The following ABCB4 variants were observed in gnomAD, a reference collection of about 807,000 sequenced individuals.
ABCB4 encodes the protein phosphatidylcholine translocator ABCB4.
A neutral mutation model predicts 145.7 loss-of-function variants in ABCB4; 76 were observed. The observed-to-expected ratio is 0.52, with a 90% CI of 0.43 to 0.63. ABCB4 has a LOEUF of 0.63. Among genes scored for constraint, ABCB4 ranks in the 30% least tolerant of loss-of-function variants. ABCB4 has a pLI of 0.00. For synonymous variants in ABCB4, 517 were observed against 566.8 expected (o/e 0.91, Z 1.25); for missense variants, 1,234 against 1,553.1 (o/e 0.79, Z 3.45).
At chr7:87,452,698 A>G in intron 6 of ABCB4, 1 of 552,544 alleles carries the variant, frequency 1.8e-6, no homozygotes, top group East Asian at 3.1e-5. Flanking sequence ...AGAAAGTTCC[A>G]TGAGAAATAA....
At chr7:87,465,654 A>G (rs1239962460) in intron 3 of ABCB4, among the ~76,000 whole-genome samples, 1 of 152,196 alleles carries the variant, frequency 6.6e-6, no homozygotes, top group African/African-American at 2.4e-5. Context: ...ACCACCCAGT[A>G]GGGGCAGACT....
intron 14 of ABCB4, 149 bp downstream of exon 14, chr7:87,439,517 TA>T (rs1810828122): frequency 3.1e-6 from 3 of 967,584 alleles, no homozygotes; most frequent in Non-Finnish European, 4.9e-6. Flanking sequence ...GAAGACAATG[TA>T]ACCTGACAGA....
intron 26 of ABCB4, among the ~76,000 whole-genome samples, chr7:87,403,724 C>T (rs1584666495): frequency 6.6e-6 from 1 of 152,080 alleles, no homozygotes; most frequent in East Asian, 1.9e-4. Flanking sequence ...AGGAATTTTT[C>T]AGTTCCATTA....
In ABCB4 at chr7:87,452,522, C is replaced by T. The variant is rs1025261443; in HGVS notation, c.536+422G>A. 22 of 250,214 alleles carry T rather than the reference C, an allele frequency of 8.8e-5. No homozygotes were observed. The East Asian group carries it at 1.7e-3, about 20-fold the overall frequency. 15.5% of individuals were successfully genotyped at this position (250,214 alleles called of 1,614,324 possible). ...CTGTGCTTTGTTCACTGATATATTA[C>T]GAACACACAGAATGGTACTTCGCAC... On this transcript the variant is annotated intron_variant, in intron 6 of 27. Transcript: ENST00000649586.
chr7:87,438,853 T>C (rs995197203), intron 14 of ABCB4, among the ~76,000 whole-genome samples: 4 of 152,196 alleles, frequency 2.6e-5, no homozygotes, highest in Non-Finnish European at 5.9e-5. Context: ...AGGATTCAGA[T>C]ATAAATTTTC....
chr7:87,372,246 A>G, the ABCB4 span, among the ~76,000 whole-genome samples: 2 of 152,168 alleles, frequency 1.3e-5, no homozygotes, highest in African/African-American at 2.4e-5. Context: ...TTAATCTTTT[A>G]TACATTATGT....
chr7:87,381,677 A>G, the ABCB4 span, among the ~76,000 whole-genome samples: 1 of 152,204 alleles, frequency 6.6e-6, no homozygotes, highest in Non-Finnish European at 1.5e-5. Context: ...AAGCCCCACC[A>G]GAAGCCCTAC....
chr7:87,424,349 C>G (rs988546744), intron 16 of ABCB4, among the ~76,000 whole-genome samples: 1 of 152,174 alleles, frequency 6.6e-6, no homozygotes, highest in African/African-American at 2.4e-5. Context: ...GCACAAATAC[C>G]TTGGCATCCA....
At chr7:87,379,870 T>C in the ABCB4 span, among the ~76,000 whole-genome samples, 1 of 152,126 alleles carries the variant, frequency 6.6e-6, no homozygotes, top group Non-Finnish European at 1.5e-5. Flanking sequence ...TCCCAGCACT[T>C]TGGGAGACGA....
the ABCB4 span, among the ~76,000 whole-genome samples, chr7:87,388,133 T>A: frequency 6.6e-6 from 1 of 152,092 alleles, no homozygotes; most frequent in African/African-American, 2.4e-5. Context: ...CCAAGGTACC[T>A]CACTTCAAAG....
intron 4 of ABCB4, among the ~76,000 whole-genome samples, chr7:87,462,027 A>G (rs1041666630): frequency 1.3e-5 from 2 of 152,244 alleles, no homozygotes; most frequent in Admixed American, 6.5e-5. Flanking sequence ...AAGGTCTCTT[A>G]GAGAAAAGAG....
In ABCB4 at chr7:87,402,192, C is replaced by A; in HGVS notation, c.3744G>T (p.Gly1248=). 1 of 1,614,094 alleles carries A rather than the reference C, an allele frequency of 6.2e-7. No individual in the cohort carries two copies. The highest frequency in any genetic ancestry group is 1.3e-5 in the African/African-American group (1 of 75,040). ...GATGCGTGCCATGCTCCTTGACTCT[C>A]CCATTCTGAAACACCACTATTAAGT... ...NADLIVVFQN[G]RVKEHGTHQQ... is the part of the protein sequence containing the mutation. Residue 1248 remains glycine, a synonymous_variant, in exon 28 of 28, where the codon GGG becomes GGT. Transcript: ENST00000649586.
At chr7:87,436,539 G>A (rs1810620848) in intron 14 of ABCB4, among the ~76,000 whole-genome samples, 1 of 152,060 alleles carries the variant, frequency 6.6e-6, no homozygotes, top group South Asian at 2.1e-4. Context: ...AAAATGAAAA[G>A]GGCCCCAAAT....
chr7:87,446,804 T>C (rs1811372808), intron 9 of ABCB4, among the ~76,000 whole-genome samples: 1 of 152,248 alleles, frequency 6.6e-6, no homozygotes. Context: ...ATACATTGTA[T>C]ATGTTTCACA....
At position 87,449,957 on chromosome 7, in the gene ABCB4, A is replaced by G. The variant is rs763082977; in HGVS notation, c.833+11T>C. 1 of 1,614,130 alleles carries G rather than the reference A, an allele frequency of 6.2e-7. No individual in the cohort carries two copies. The highest frequency in any genetic ancestry group is 8.5e-7 in the Non-Finnish European group (1 of 1,179,990). On this transcript the variant is annotated intron_variant, in intron 8 of 27. Coordinates refer to ENST00000649586, the MANE Select transcript of ABCB4 (RefSeq NM_000443.4). The stretch of plus-strand genomic sequence containing the variant: ...CATTCCTTAAACCAGTGGCTAAAGA[A>G]CCTTCCTGACCTTTCCAGCTCTTTG...
the ABCB4 span, chr7:87,392,538 T>C: frequency 2.0e-5 from 32 of 1,588,320 alleles, 1 homozygote; most frequent in Admixed American, 4.3e-4. Context: ...CAGTGTGTTA[T>C]TGAAGTGTCT....
chr7:87,444,028 T>A (rs1243100891), intron 10 of ABCB4, among the ~76,000 whole-genome samples: 1 of 152,170 alleles, frequency 6.6e-6, no homozygotes, highest in Non-Finnish European at 1.5e-5. Context: ...TCCCTTTAAG[T>A]TTTTGGCATA....
chr7:87,439,929 T>C, intron 13 of ABCB4, 92 bp from the exon 14 acceptor site: 2 of 1,524,064 alleles, frequency 1.3e-6, no homozygotes. Flanking sequence ...ACATGGAGCT[T>C]TGTCTTAACT....
At position 87,443,667 on chromosome 7, in the gene ABCB4, A is replaced by G. The variant is rs1378609191; in HGVS notation, c.1226T>C (p.Val409Ala). Residue 409 changes from valine to alanine, a missense_variant, in exon 11 of 28, where the codon GTC becomes GCC. Transcript: ENST00000649586. Reference protein sequence around the residue: ...VHFSYPSRANVKILKGLNLKV... With the variant: ...VHFSYPSRANAKILKGLNLKV... Reference sequence around the variant, plus strand: ...TATAAATATTACTTACAGTACCTTGACGTTAGCTCGAGAAGGGTAAGAAAA... The same window carrying G: ...TATAAATATTACTTACAGTACCTTGGCGTTAGCTCGAGAAGGGTAAGAAAA... 6.8e-6 allele frequency: 11 copies of G among 1,612,198 alleles called. No homozygotes were observed. The highest frequency in any genetic ancestry group is 1.7e-4 in the Middle Eastern group (1 of 6,054).
Sources: gnomAD v4.1 joint callset for allele counts (sites outside exome capture counted in the v4.1 genomes callset) on GRCh38, gnomAD v4.1.1 for gene constraint, MANE v1.5 for transcripts, NCBI Gene and HGNC (gene_info 2026-07-23, HGNC 2026-07-21) for gene names.